Variants in CAPN8 observed in about 807,000 individuals in gnomAD.
CAPN8 encodes calpain 8, also known as calpain-8.
CAPN8 carries 87 observed loss-of-function variants against 80.9 expected under a neutral mutation model. That is an observed-to-expected ratio of 1.07 (90% confidence interval 0.90 to 1.28). The LOEUF is 1.28. CAPN8 is among the 50% of genes most tolerant of loss of function. The pLI, the probability that CAPN8 is intolerant of heterozygous loss-of-function variation, is 0.00. For synonymous variants in CAPN8, 299 were observed against 273.8 expected, an observed-to-expected ratio of 1.09 and a Z score of -0.91; for missense variants, 757 against 702.0, an observed-to-expected ratio of 1.08 and a Z score of -0.89.
intron 1 of CAPN8, among the ~76,000 whole-genome samples, chr1:223,664,198 G>A (rs192114647): frequency 7.9e-5 from 12 of 152,116 alleles, no homozygotes; most frequent in African/African-American, 1.4e-4. Context: ...ATCAGTAACC[G>A]CATCCAGGAG....
At chr1:223,618,214 A>G in intron 9 of CAPN8, 2 of 1,550,142 alleles carry the variant, frequency 1.3e-6, no homozygotes, top group Non-Finnish European at 1.7e-6. Flanking sequence ...TTCTCCTTAG[A>G]GATGTGGGGC....
At chr1:223,655,319 C>T (rs1658458012) in intron 1 of CAPN8, among the ~76,000 whole-genome samples, 1 of 152,180 alleles carries the variant, frequency 6.6e-6, no homozygotes, top group South Asian at 2.1e-4. Flanking sequence ...ACCTGCACTT[C>T]CTCCACTCAC....
chr1:223,657,560 A>G (rs1055537677), intron 1 of CAPN8, among the ~76,000 whole-genome samples: 10 of 151,982 alleles, frequency 6.6e-5, no homozygotes, highest in Admixed American at 2.0e-4. Context: ...TGAGGTCAGG[A>G]GTTCAAGACC....
chr1:223,553,058 A>G (rs2102692420), intron 14 of CAPN8, among the ~76,000 whole-genome samples: 1 of 152,142 alleles, frequency 6.6e-6, no homozygotes, highest in East Asian at 1.9e-4. Flanking sequence ...CCTTAAGTCT[A>G]GAAAGTCACC....
intron 9 of CAPN8, among the ~76,000 whole-genome samples, chr1:223,618,811 C>T (rs1477759565): frequency 6.6e-6 from 1 of 152,350 alleles, no homozygotes; most frequent in South Asian, 2.1e-4. Context: ...CCCTCACAAC[C>T]CTGGCCTCCA....
At chr1:223,663,209 A>T (rs1204216449) in intron 1 of CAPN8, among the ~76,000 whole-genome samples, 1 of 152,230 alleles carries the variant, frequency 6.6e-6, no homozygotes, top group Admixed American at 6.5e-5. Context: ...GGACAGGTGA[A>T]GACATAGTTT....
intron 1 of CAPN8, among the ~76,000 whole-genome samples, chr1:223,663,602 A>G (rs986148128): frequency 6.6e-6 from 1 of 152,188 alleles, no homozygotes; most frequent in Admixed American, 6.5e-5. Flanking sequence ...GCCTGGCACA[A>G]AATGGAAGCT....
At chr1:223,545,433 G>A (rs868232129) in intron 16 of CAPN8, 134 bp from the exon 17 acceptor site, 1 of 1,357,522 alleles carries the variant, frequency 7.4e-7, no homozygotes, top group Non-Finnish European at 1.0e-6. Context: ...GAGCAGTGGG[G>A]GTGACGGTGT....
chr1:223,624,902 G>C (rs1457209812), intron 6 of CAPN8, among the ~76,000 whole-genome samples: 1 of 151,906 alleles, frequency 6.6e-6, no homozygotes, highest in Non-Finnish European at 1.5e-5. Flanking sequence ...AGACCATCCT[G>C]GCTGACACAG....
At position 223,557,895 on chromosome 1, in the gene CAPN8, T is replaced by C. The variant is rs986395556; in HGVS notation, c.1572+236A>G. Among the ~76,000 whole-genome samples the C allele has an allele frequency of 1.8e-4, 27 of 152,300 alleles. No individual in the cohort carries two copies. In the East Asian group the frequency reaches 5.0e-3, roughly 28 times the overall value. ...ATCTGTGGGTCCTGCTTATCAAACA[T>C]GGAAGACGATGGCTAAGACCTCCCC... On this transcript the variant is annotated intron_variant, in intron 13 of 20. Coordinates refer to ENST00000366872, the MANE Select transcript of CAPN8 (RefSeq NM_001143962.2).
chr1:223,625,904 A>C lies in CAPN8; in HGVS notation c.730-16T>G. On this transcript the variant is annotated splice_polypyrimidine_tract_variant and intron_variant, in intron 5 of 20. Coordinates refer to ENST00000366872, the MANE Select transcript of CAPN8 (RefSeq NM_001143962.2). ...CACTGGAGACCTGCGTAGAGAAGAA[A>C]GTCCACTCAGTGGCTGACCCTGACC... 6.5e-7 allele frequency: 1 copy of C among 1,546,914 alleles called. No homozygotes were observed. Among genetic ancestry groups the C allele is most frequent in the Non-Finnish European group, 8.7e-7 (1 of 1,142,936 alleles).
chr1:223,552,811 G>T (rs1362480920), intron 14 of CAPN8, among the ~76,000 whole-genome samples: 1 of 152,106 alleles, frequency 6.6e-6, no homozygotes, highest in African/African-American at 2.4e-5. Context: ...AAGATAAAGT[G>T]CATGAAGAAC....
chr1:223,609,290 G>C lies in CAPN8; in HGVS notation c.1398C>G (p.Thr466=), dbSNP rs1572227550. The change falls in exon 12 of 21, where the codon ACC becomes ACG. Residue 466 remains threonine (T), a synonymous_variant. Coordinates refer to ENST00000366872, the MANE Select transcript of CAPN8 (RefSeq NM_001143962.2). The stretch of plus-strand genomic sequence containing the variant: ...CAGAGACCTCCCGCAGGTTGACGTA[G>C]GTGCTGGTGCGGGCTGAGGGCTGGT... The part of the protein sequence containing the change: ...LAYQPSARTS[T]YVNLREVSGR... The C allele has an allele frequency of 2.5e-6, 1 of 398,592 alleles. No individual in the cohort carries two copies. Among genetic ancestry groups the C allele is most frequent in the East Asian group, 3.6e-5 (1 of 28,054 alleles). The allele number at this position is 398,592 out of a possible 1,614,324, so 24.7% of individuals were successfully genotyped here.
At chr1:223,627,942 G>A in intron 4 of CAPN8, 67 bp downstream of exon 4, 1 of 1,452,264 alleles carries the variant, frequency 6.9e-7, no homozygotes, top group Non-Finnish European at 9.2e-7. Context: ...AGGCAGACGT[G>A]GGAGGGACAG....
intron 15 of CAPN8, among the ~76,000 whole-genome samples, chr1:223,550,046 A>G (rs1265635632): frequency 6.6e-6 from 1 of 152,184 alleles, no homozygotes; most frequent in Non-Finnish European, 1.5e-5. Context: ...ACTCAATGAC[A>G]GCAGCTATCC....
chr1:223,654,515 A>T (rs896071175), intron 1 of CAPN8, 116 bp from the exon 2 acceptor site: 1 of 846,628 alleles, frequency 1.2e-6, no homozygotes, highest in African/African-American at 1.7e-5. Flanking sequence ...AGGATTGTCT[A>T]CTGCCCATCA....
In CAPN8 at chr1:223,619,462, G is replaced by A; in HGVS notation, c.975-9C>T. The A allele has an allele frequency of 6.4e-7, 1 of 1,551,478 alleles. No individual in the cohort carries two copies. Among genetic ancestry groups the A allele is most frequent in the Non-Finnish European group, 8.7e-7 (1 of 1,146,956 alleles). On this transcript the variant is annotated splice_polypyrimidine_tract_variant and intron_variant, in intron 8 of 20. Coordinates refer to ENST00000366872, the MANE Select transcript of CAPN8 (RefSeq NM_001143962.2). ...AATCTGAAAGTGACATCCTGGGGCA[G>A]AGGCACCAGAGGGCTCTCAGTGAAG...
At chr1:223,621,709 G>A (rs1443250176) in intron 7 of CAPN8, among the ~76,000 whole-genome samples, 1 of 152,084 alleles carries the variant, frequency 6.6e-6, no homozygotes, top group Non-Finnish European at 1.5e-5. Context: ...GAGCAGTCAT[G>A]ATGCTGTGAT....
intron 12 of CAPN8, among the ~76,000 whole-genome samples, chr1:223,558,702 A>G (rs1409748564): frequency 1.3e-5 from 2 of 150,934 alleles, no homozygotes; most frequent in African/African-American, 2.4e-5. Flanking sequence ...GGTGTGTGTG[A>G]ATGGTGTACT....
Sources: allele counts gnomAD v4.1 joint callset (sites outside exome capture counted in the v4.1 genomes callset), GRCh38; gene constraint gnomAD v4.1.1; transcripts MANE v1.5; gene names NCBI Gene and HGNC (gene_info 2026-07-23, HGNC 2026-07-21).